Variants in EIF4E3 observed in about 807,000 individuals in gnomAD.
The protein encoded by EIF4E3 is eukaryotic translation initiation factor 4E family member 3.
EIF4E3 carries 26 observed loss-of-function variants against 31.7 expected under a neutral mutation model. The observed-to-expected ratio is 0.82, with a 90% CI of 0.60 to 1.14. EIF4E3 has a LOEUF of 1.14. Among genes scored for constraint, EIF4E3 ranks in the 50% most tolerant of loss-of-function variants. The pLI, the probability that EIF4E3 is intolerant of heterozygous loss-of-function variation, is 0.00. For missense variants in EIF4E3, 304 were observed against 270.9 expected, an observed-to-expected ratio of 1.12 and a Z score of -0.86; for synonymous variants, 128 against 107.7, an observed-to-expected ratio of 1.19 and a Z score of -1.17.
intron 5 of EIF4E3, among the ~76,000 whole-genome samples, chr3:71,693,452 A>G (rs1477539324): frequency 2.0e-5 from 3 of 152,170 alleles, no homozygotes; most frequent in Non-Finnish European, 4.4e-5. Flanking sequence ...GTGCCTGTCC[A>G]CCTAAAAACT....
In EIF4E3 at chr3:71,682,863, T is replaced by C. The variant is rs1170066763; in HGVS notation, c.*1819A>G. ...ATCCATTTACTTATGGAAATATACA[T>C]GACAATTAGAGTGAAGTCAATTATA... On this transcript the variant is annotated 3_prime_UTR_variant, in exon 7 of 7. Coordinates refer to ENST00000425534, the MANE Select transcript of EIF4E3 (RefSeq NM_001134651.2). 6.5e-6 allele frequency: 1 copy of C among 152,730 alleles called. No individual in the cohort carries two copies. 9.5% of individuals were successfully genotyped at this position (152,730 alleles called of 1,614,324 possible).
chr3:71,745,792 C>T (rs2049865947), intron 1 of EIF4E3, among the ~76,000 whole-genome samples: 1 of 152,002 alleles, frequency 6.6e-6, no homozygotes, highest in South Asian at 2.1e-4. Context: ...GTTTAAACAG[C>T]TAGTAAATAT....
At chr3:71,673,249 C>T (rs2048855874), downstream of EIF4E3, among the ~76,000 whole-genome samples, 1 of 152,184 alleles carries the variant, frequency 6.6e-6, no homozygotes, top group African/African-American at 2.4e-5. Flanking sequence ...TTAAAAATTA[C>T]AGAGTAAGCA....
Position 71,683,689 on chromosome 3 carries a change from G to T in EIF4E3, c.*993C>A, listed in dbSNP as rs1204651243. The T allele has an allele frequency of 1.3e-5, 2 of 152,184 alleles. No homozygotes were observed. Among genetic ancestry groups the T allele is most frequent in the African/African-American group, 2.4e-5 (1 of 41,438 alleles). The allele number at this position is 152,184 out of a possible 1,614,324, so 9.4% of individuals were successfully genotyped here. A position where few individuals can be genotyped will look rare whatever the true frequency, so the allele number is the denominator to read the frequency against. On this transcript the variant is annotated 3_prime_UTR_variant, in exon 7 of 7. Coordinates refer to ENST00000425534, the MANE Select transcript of EIF4E3 (RefSeq NM_001134651.2). ...AAAAAGGGTGGGGACAGCTGCCCAG[G>T]CTGGAGGACTACTGATGATGAGAAA...
At chr3:71,743,195 G>A (rs777298926) in intron 1 of EIF4E3, among the ~76,000 whole-genome samples, 6 of 152,028 alleles carry the variant, frequency 3.9e-5, no homozygotes, top group Non-Finnish European at 7.4e-5. Flanking sequence ...CTGAAAAAAC[G>A]GTAACATTGT....
At chr3:71,687,327 T>C (rs142546068) in intron 6 of EIF4E3, among the ~76,000 whole-genome samples, 310 of 152,344 alleles carry the variant, frequency 2.0e-3, no homozygotes, top group Admixed American at 3.5e-3. Flanking sequence ...AACTCTGCCA[T>C]TGTAGCACTA....
chr3:71,704,991 G>C (rs2049269623), intron 2 of EIF4E3, among the ~76,000 whole-genome samples: 1 of 152,206 alleles, frequency 6.6e-6, no homozygotes, highest in South Asian at 2.1e-4. Flanking sequence ...GATGGATAAA[G>C]AATCTTGTTA....
chr3:71,681,551 G>C lies in EIF4E3; in HGVS notation c.*3131C>G, dbSNP rs943253329. 1 of 152,240 alleles carries C rather than the reference G, an allele frequency of 6.6e-6. No homozygotes were observed. The highest frequency in any genetic ancestry group is 1.5e-5 in the Non-Finnish European group (1 of 68,072). 9.4% of individuals were successfully genotyped at this position (152,240 alleles called of 1,614,324 possible). On this transcript the variant is annotated 3_prime_UTR_variant, in exon 7 of 7. Transcript: ENST00000425534. ...CGGAGTTACACCAGTGGCCAGATTG[G>C]ATCAGATATTTAATGCTTGATTAGG...
chr3:71,688,809 A>C (rs1437087541), intron 6 of EIF4E3, among the ~76,000 whole-genome samples: 2 of 152,206 alleles, frequency 1.3e-5, no homozygotes, highest in Non-Finnish European at 2.9e-5. Context: ...GCCAATAAGC[A>C]ACTTCTGCAG....
chr3:71,710,984 T>G (rs2049370576), intron 1 of EIF4E3, among the ~76,000 whole-genome samples: 1 of 152,236 alleles, frequency 6.6e-6, no homozygotes, highest in Non-Finnish European at 1.5e-5. Flanking sequence ...TCTGGTTTCA[T>G]ATGAATTTGC....
chr3:71,710,732 A>T (rs1291549518), intron 1 of EIF4E3, among the ~76,000 whole-genome samples: 1 of 152,238 alleles, frequency 6.6e-6, no homozygotes, highest in Non-Finnish European at 1.5e-5. Flanking sequence ...ATAAGTATGT[A>T]TTAATAAGAA....
chr3:71,734,504 CAATT>C (rs1189327468), intron 1 of EIF4E3, among the ~76,000 whole-genome samples: 3 of 152,072 alleles, frequency 2.0e-5, no homozygotes, highest in Non-Finnish European at 4.4e-5. Context: ...ATAAATTTGT[CAATT>C]AAATGCAGTA....
Position 71,696,480 on chromosome 3 carries a change from T to G in EIF4E3, c.385A>C (p.Lys129Gln), listed in dbSNP as rs749358048. The G allele has an allele frequency of 6.2e-7, 1 of 1,614,144 alleles. No individual in the cohort carries two copies. Among genetic ancestry groups the G allele is most frequent in the Non-Finnish European group, 8.5e-7 (1 of 1,180,040 alleles). ...SNAKGGVWKM[K>Q]VPKDSTSTVW... ...CCTACCGTGCTGTCCTTGGGGACTT[T>G]CATCTTCCATACGCCACCCTTTGCA... The change falls in exon 4 of 7, where the codon AAA (lysine) becomes CAA (glutamine). Residue 129 changes from lysine (K) to glutamine (Q), a missense_variant. Lys to Gln is a moderately conservative substitution (Grantham distance 53). Coordinates refer to ENST00000425534, the MANE Select transcript of EIF4E3 (RefSeq NM_001134651.2).
intron 5 of EIF4E3, among the ~76,000 whole-genome samples, chr3:71,692,730 G>A (rs2049080370): frequency 6.6e-6 from 1 of 151,768 alleles, no homozygotes; most frequent in Non-Finnish European, 1.5e-5. Context: ...AGTTGCTGGG[G>A]CTATGGGTGT....
intron 4 of EIF4E3, among the ~76,000 whole-genome samples, chr3:71,695,855 C>A (rs2049128705): frequency 6.6e-6 from 1 of 152,170 alleles, no homozygotes; most frequent in African/African-American, 2.4e-5. Flanking sequence ...CGTTCATTTC[C>A]AGTCAATAAG....
chr3:71,681,885 T>G lies in EIF4E3; in HGVS notation c.*2797A>C, dbSNP rs1180009998. ...TCTTTAATTTAAAGTTTATTAGAGT[T>G]GTGGTTTCCTTTTCATGTTTTTGCT... On this transcript the variant is annotated 3_prime_UTR_variant, in exon 7 of 7. Coordinates refer to ENST00000425534, the MANE Select transcript of EIF4E3 (RefSeq NM_001134651.2). 1 of 152,220 alleles carries G rather than the reference T, an allele frequency of 6.6e-6. No individual in the cohort carries two copies. Among genetic ancestry groups the G allele is most frequent in the Non-Finnish European group, 1.5e-5 (1 of 68,042 alleles). 9.4% of individuals were successfully genotyped at this position (152,220 alleles called of 1,614,324 possible). A position where few individuals can be genotyped will look rare whatever the true frequency, so the allele number is the denominator to read the frequency against.
At chr3:71,699,253 A>G (rs1303894522) in intron 3 of EIF4E3, among the ~76,000 whole-genome samples, 2 of 152,044 alleles carry the variant, frequency 1.3e-5, no homozygotes, top group East Asian at 1.9e-4. Flanking sequence ...CCAAACAACA[A>G]CAACAACAAA....
At chr3:71,693,767 C>T in intron 5 of EIF4E3, 108 bp downstream of exon 5, 1 of 1,102,074 alleles carries the variant, frequency 9.1e-7, no homozygotes. Context: ...AAATAAACAA[C>T]TTCAAAACAT....
At position 71,725,176 on chromosome 3, in the gene EIF4E3, C is replaced by T; in HGVS notation, c.176+16G>A. Reference sequence around the variant, plus strand: ...CCGGGTCGGGGCCGTGCGCGGCGGGCCCCGCGCCCCCTCACCTGTCGAGCC... The same window carrying T: ...CCGGGTCGGGGCCGTGCGCGGCGGGTCCCGCGCCCCCTCACCTGTCGAGCC... On this transcript the variant is annotated intron_variant, in intron 1 of 6. Transcript: ENST00000425534. This position sits in a 1 kb window ranked among gnomAD's most constrained non-coding sequence, Gnocchi z 6.1. The T allele has an allele frequency of 9.2e-7, 1 of 1,082,810 alleles. No homozygotes were observed. The highest frequency in any genetic ancestry group is 1.1e-6 in the Non-Finnish European group (1 of 895,452). 67.1% of individuals were successfully genotyped at this position (1,082,810 alleles called of 1,614,324 possible). A position where few individuals can be genotyped will look rare whatever the true frequency, so the allele number is the denominator to read the frequency against.
Sources: allele counts gnomAD v4.1 joint callset (sites outside exome capture counted in the v4.1 genomes callset), GRCh38; gene constraint gnomAD v4.1.1; non-coding constraint Gnocchi (gnomAD v3.1); transcripts MANE v1.5; gene names NCBI Gene and HGNC (gene_info 2026-07-23, HGNC 2026-07-21).